The following KANK1 variants were observed in gnomAD, a reference collection of about 807,000 sequenced individuals.
KANK1 encodes KN motif and ankyrin repeat domain-containing protein 1.
Under a neutral mutation model 106.2 loss-of-function variants are expected in KANK1, and 109 were observed. The ratio of observed to expected loss-of-function variants is 1.03; its 90% confidence interval spans 0.88 to 1.20. The LOEUF (loss-of-function observed/expected upper bound fraction) is 1.20, where lower values mean the gene tolerates loss of function less well. KANK1 is among the 50% of genes most tolerant of loss of function. The pLI is 0.00. For missense variants in KANK1, 2,399 were observed against 1,710.7 expected (o/e 1.40, Z -7.10); for synonymous variants, 873 against 652.2 (o/e 1.34, Z -5.16).
At chr9:570,994 G>T (rs1233668834) in intron 1 of KANK1, among the ~76,000 whole-genome samples, 1 of 152,094 alleles carries the variant, frequency 6.6e-6, no homozygotes, top group African/African-American at 2.4e-5. Flanking sequence ...TGGGTCAGGA[G>T]TTACAAACAT....
intron 1 of KANK1, among the ~76,000 whole-genome samples, chr9:510,517 T>C (rs773429460): frequency 6.6e-6 from 1 of 152,180 alleles, no homozygotes; most frequent in Non-Finnish European, 1.5e-5. Context: ...AAAGTAAGAC[T>C]TGAGCTCAGC....
chr9:709,095 C>T (rs140752459), intron 2 of KANK1, among the ~76,000 whole-genome samples: 32 of 152,266 alleles, frequency 2.1e-4, no homozygotes, highest in African/African-American at 7.0e-4. Flanking sequence ...TGTTTGAACT[C>T]ATGACAATAC....
At chr9:650,021 C>T (rs1208206701) in intron 1 of KANK1, among the ~76,000 whole-genome samples, 2 of 152,166 alleles carry the variant, frequency 1.3e-5, no homozygotes, top group Non-Finnish European at 2.9e-5. Flanking sequence ...GGTGCTACTT[C>T]GTAAGACTGC....
At chr9:592,008 C>T (rs532378286) in intron 1 of KANK1, among the ~76,000 whole-genome samples, 3 of 151,828 alleles carry the variant, frequency 2.0e-5, no homozygotes, top group African/African-American at 4.9e-5. Flanking sequence ...CCCCCTCCAG[C>T]CTGTAACACC....
chr9:498,050 C>G (rs190093014), intron 3 of KANK1, among the ~76,000 whole-genome samples: 2 of 152,078 alleles, frequency 1.3e-5, no homozygotes, highest in African/African-American at 4.8e-5. Flanking sequence ...ACTCAGGGCA[C>G]GAGATTTCTA....
chr9:515,160 A>C (rs1455658671), intron 1 of KANK1, among the ~76,000 whole-genome samples: 2 of 151,522 alleles, frequency 1.3e-5, no homozygotes, highest in Non-Finnish European at 2.9e-5. Context: ...TGGCTAACAC[A>C]GTGAAACCCT....
rs533291248 is a variant in KANK1 at position 646,033 on chromosome 9, T to TG, written c.-83-30855dup. On this transcript the variant is annotated intron_variant, in intron 1 of 11. Transcript: ENST00000382297. Reference sequence around the variant, plus strand: ...GGTCTGAGGCATAGTAGTAGACCCATGGAGCTGATAGTTTCAGGGCAGGGT... The same window carrying TG: ...GGTCTGAGGCATAGTAGTAGACCCATGGGAGCTGATAGTTTCAGGGCAGGGT... Among the ~76,000 whole-genome samples the TG allele has an allele frequency of 8.9e-4, 135 of 151,028 alleles. 1 individual carries two copies. Among genetic ancestry groups the TG allele is most frequent in the Non-Finnish European group, 1.6e-3 (111 of 68,026 alleles).
intron 1 of KANK1, among the ~76,000 whole-genome samples, chr9:614,678 C>T (rs930674109): frequency 3.3e-5 from 5 of 152,246 alleles, no homozygotes; most frequent in African/African-American, 2.4e-5. Context: ...CATGCATTTC[C>T]GTGTGCCTCC....
In KANK1 at chr9:598,788, G is replaced by A. The variant is rs2361091; in HGVS notation, c.-83-78102G>A. On this transcript the variant is annotated intron_variant, in intron 1 of 11. Transcript: ENST00000382297. ...TGAGATTACAGGCGCACACCACTAC[G>A]CCCAGCTAATTTTTTGTATTTTTAA... Among the ~76,000 whole-genome samples, 773 of 148,422 alleles carry A rather than the reference G, an allele frequency of 5.2e-3. 30 individuals carry two copies. Among genetic ancestry groups the A allele is most frequent in the African/African-American group, 0.018 (723 of 40,080 alleles).
chr9:735,414 A>C (rs1242181768), intron 7 of KANK1, among the ~76,000 whole-genome samples: 1 of 152,182 alleles, frequency 6.6e-6, no homozygotes, highest in Non-Finnish European at 1.5e-5. Flanking sequence ...GAATGGTACA[A>C]CATAGGACAC....
chr9:490,829 A>T (rs943918003), intron 3 of KANK1, among the ~76,000 whole-genome samples: 1 of 152,164 alleles, frequency 6.6e-6, no homozygotes, highest in Non-Finnish European at 1.5e-5. Context: ...GCTCTTGTGG[A>T]GCTTATATTC....
chr9:541,048 T>C (rs1207804094), intron 1 of KANK1, among the ~76,000 whole-genome samples: 3 of 152,132 alleles, frequency 2.0e-5, no homozygotes, highest in East Asian at 1.9e-4. Context: ...TTCCTTAATA[T>C]AGGAGTTGAT....
chr9:490,032 T>G (rs1372626142), intron 3 of KANK1, among the ~76,000 whole-genome samples: 2 of 152,230 alleles, frequency 1.3e-5, no homozygotes, highest in Non-Finnish European at 2.9e-5. Flanking sequence ...TTTTTGACGT[T>G]AAAGATAAAT....
chr9:584,247 T>G (rs1822884125), intron 1 of KANK1, among the ~76,000 whole-genome samples: 3 of 152,110 alleles, frequency 2.0e-5, no homozygotes, highest in Admixed American at 6.5e-5. Context: ...GAAAAACAAG[T>G]TACAAGTAAT....
chr9:607,941 CTG>C lies in KANK1; in HGVS notation c.-83-68939_-83-68938del, dbSNP rs202196992. Among the ~76,000 whole-genome samples, 1,343 of 148,392 alleles carry C rather than the reference CTG, an allele frequency of 9.1e-3. 13 individuals carry two copies. Among genetic ancestry groups the C allele is most frequent in the South Asian group, 0.024 (114 of 4,736 alleles). The stretch of plus-strand genomic sequence containing the variant: ...TTCATTTTTCCTTGTGAACATCTCT[CTG>C]TGTGTGTGTATGTGTATAATTTATC... On this transcript the variant is annotated intron_variant, in intron 1 of 11. Coordinates refer to ENST00000382297, the MANE Select transcript of KANK1 (RefSeq NM_015158.5).
At chr9:472,690 C>G (rs2058041778) in intron 2 of KANK1, among the ~76,000 whole-genome samples, 1 of 152,228 alleles carries the variant, frequency 6.6e-6, no homozygotes, top group Non-Finnish European at 1.5e-5. Flanking sequence ...GGACTGGTTA[C>G]ACAATTTGCA....
chr9:714,931 G>A (rs1405449552), intron 3 of KANK1, among the ~76,000 whole-genome samples: 1 of 152,148 alleles, frequency 6.6e-6, no homozygotes, highest in Non-Finnish European at 1.5e-5. Flanking sequence ...TGTGACCTGG[G>A]AAAGAGTGTG....
chr9:695,488 C>G (rs1474921957), intron 2 of KANK1, among the ~76,000 whole-genome samples: 2 of 152,068 alleles, frequency 1.3e-5, no homozygotes, highest in Admixed American at 6.5e-5. Context: ...TCCCCTACAG[C>G]TCCCTGCTGG....
chr9:668,414 C>G (rs572361190), intron 1 of KANK1, among the ~76,000 whole-genome samples: 2 of 152,106 alleles, frequency 1.3e-5, no homozygotes, highest in Non-Finnish European at 2.9e-5. Context: ...TTCAGTCCAT[C>G]AAATGTATTA....
Sources: allele counts gnomAD v4.1 joint callset (sites outside exome capture counted in the v4.1 genomes callset), GRCh38; gene constraint gnomAD v4.1.1; transcripts MANE v1.5; gene names NCBI Gene and HGNC (gene_info 2026-07-23, HGNC 2026-07-21).